The following CAMKMT variants were observed in gnomAD, a reference collection of about 807,000 sequenced individuals.
The protein encoded by CAMKMT is calmodulin-lysine N-methyltransferase.
A neutral mutation model predicts 48.0 loss-of-function variants in CAMKMT; 53 were observed. That is an observed-to-expected ratio of 1.10 (90% confidence interval 0.89 to 1.39). The LOEUF is 1.39. CAMKMT is among the 40% of genes most tolerant of loss of function. CAMKMT has a pLI of 0.00. For synonymous variants in CAMKMT, 165 were observed against 152.3 expected, an observed-to-expected ratio of 1.08 and a Z score of -0.61; for missense variants, 428 against 402.7, an observed-to-expected ratio of 1.06 and a Z score of -0.54.
chr2:44,706,962 T>G (rs1677599098), intron 5 of CAMKMT, among the ~76,000 whole-genome samples: 2 of 152,044 alleles, frequency 1.3e-5, no homozygotes, highest in South Asian at 4.2e-4. Context: ...TACAGCCCAA[T>G]GTGCGAGCAT....
chr2:44,500,874 G>T (rs1389522192), intron 3 of CAMKMT, among the ~76,000 whole-genome samples: 10 of 151,600 alleles, frequency 6.6e-5, no homozygotes, highest in African/African-American at 2.4e-4. Context: ...TAGAGATGGG[G>T]TTTCACCATG....
intron 10 of CAMKMT, among the ~76,000 whole-genome samples, chr2:44,769,339 C>G (rs1029264348): frequency 6.6e-6 from 1 of 152,194 alleles, no homozygotes; most frequent in African/African-American, 2.4e-5. Flanking sequence ...CCACACCATG[C>G]AGCCAGTGTG....
chr2:44,480,252 C>G (rs574660512), intron 3 of CAMKMT, among the ~76,000 whole-genome samples: 1 of 152,270 alleles, frequency 6.6e-6, no homozygotes, highest in Admixed American at 6.5e-5. Flanking sequence ...AGCAACTCAC[C>G]TTTTGCCACT....
In CAMKMT at chr2:44,754,125, A is replaced by T; in HGVS notation, c.762+7A>T. 1 of 1,610,438 alleles carries T rather than the reference A, an allele frequency of 6.2e-7. No homozygotes were observed. The highest frequency in any genetic ancestry group is 1.1e-5 in the South Asian group (1 of 91,012). On this transcript the variant is annotated splice_region_variant and intron_variant, in intron 9 of 10. Coordinates refer to ENST00000378494, the MANE Select transcript of CAMKMT (RefSeq NM_024766.5). ...GAGATTACTCCAGCCCAGGGTAAGT[A>T]TGTTTCTATTTTCTCCTGAACACTG...
intron 3 of CAMKMT, among the ~76,000 whole-genome samples, chr2:44,654,429 C>G (rs763435371): frequency 4.6e-5 from 7 of 152,002 alleles, no homozygotes; most frequent in Non-Finnish European, 8.8e-5. Context: ...TCCTAGAAGC[C>G]AAAGATTAAC....
At chr2:44,613,084 A>G (rs966506368) in intron 3 of CAMKMT, among the ~76,000 whole-genome samples, 3 of 152,340 alleles carry the variant, frequency 2.0e-5, no homozygotes, top group East Asian at 1.9e-4. Context: ...TGAGATTTCA[A>G]TGAGTCTTTT....
At chr2:44,744,337 C>T (rs565593160) in intron 8 of CAMKMT, among the ~76,000 whole-genome samples, 7 of 152,204 alleles carry the variant, frequency 4.6e-5, no homozygotes, top group Non-Finnish European at 7.4e-5. Flanking sequence ...AATTTACATT[C>T]GGTATTTTGC....
chr2:44,470,259 T>C (rs1417253667), intron 3 of CAMKMT, among the ~76,000 whole-genome samples: 1 of 152,194 alleles, frequency 6.6e-6, no homozygotes, highest in Non-Finnish European at 1.5e-5. Flanking sequence ...GTTTCCTGGG[T>C]TTTCTCCTCT....
intron 3 of CAMKMT, among the ~76,000 whole-genome samples, chr2:44,598,408 C>T: frequency 6.6e-6 from 1 of 151,770 alleles, no homozygotes; most frequent in Middle Eastern, 3.2e-3. Context: ...AAATGAAGTT[C>T]CAGTTTTCTC....
intron 3 of CAMKMT, among the ~76,000 whole-genome samples, chr2:44,395,295 G>A (rs1681728209): frequency 6.6e-6 from 1 of 151,996 alleles, no homozygotes; most frequent in Non-Finnish European, 1.5e-5. Flanking sequence ...GTTATATAAT[G>A]CATATATGTA....
intron 3 of CAMKMT, among the ~76,000 whole-genome samples, chr2:44,470,477 A>G (rs1167364531): frequency 7.9e-6 from 1 of 126,646 alleles, no homozygotes; most frequent in Non-Finnish European, 1.7e-5. Context: ...ATACCTTGGA[A>G]GGAGTTTACA....
intron 6 of CAMKMT, among the ~76,000 whole-genome samples, chr2:44,708,524 T>A (rs1397040280): frequency 6.6e-6 from 1 of 151,982 alleles, no homozygotes; most frequent in Non-Finnish European, 1.5e-5. Flanking sequence ...TTAAAAAAAA[T>A]TCAGGAAGGA....
intron 3 of CAMKMT, among the ~76,000 whole-genome samples, chr2:44,595,447 A>G (rs1407233850): frequency 6.6e-6 from 1 of 152,228 alleles, no homozygotes; most frequent in Admixed American, 6.5e-5. Flanking sequence ...ACAACTTATA[A>G]GGACCTCTTC....
At chr2:44,498,048 G>T (rs1009633026) in intron 3 of CAMKMT, among the ~76,000 whole-genome samples, 1 of 152,134 alleles carries the variant, frequency 6.6e-6, no homozygotes, top group Non-Finnish European at 1.5e-5. Flanking sequence ...TAGGATATAA[G>T]CATTTTGTAC....
chr2:44,483,037 A>G (rs1277124301), intron 3 of CAMKMT, among the ~76,000 whole-genome samples: 1 of 152,166 alleles, frequency 6.6e-6, no homozygotes, highest in Non-Finnish European at 1.5e-5. Flanking sequence ...AATGGAATCA[A>G]CAAGTACATA....
chr2:44,437,982 T>C (rs565316188), intron 3 of CAMKMT, among the ~76,000 whole-genome samples: 1 of 152,310 alleles, frequency 6.6e-6, no homozygotes, highest in East Asian at 1.9e-4. Context: ...ACTGGTTTTT[T>C]AATAAAGTAA....
intron 3 of CAMKMT, among the ~76,000 whole-genome samples, chr2:44,663,462 A>T (rs574406088): frequency 6.6e-6 from 1 of 152,354 alleles, no homozygotes; most frequent in East Asian, 1.9e-4. Flanking sequence ...CCCTTCTGTG[A>T]AATCTTGTTT....
chr2:44,457,449 A>C (rs1667622722), intron 3 of CAMKMT, among the ~76,000 whole-genome samples: 1 of 145,020 alleles, frequency 6.9e-6, no homozygotes, highest in African/African-American at 2.6e-5. Flanking sequence ...CCCAGGCTGG[A>C]GTGCAGTGGC....
chr2:44,416,632 G>A (rs889892257), intron 3 of CAMKMT, among the ~76,000 whole-genome samples: 4 of 137,232 alleles, frequency 2.9e-5, no homozygotes, highest in African/African-American at 1.1e-4. Context: ...GGAGTGCAAT[G>A]GTGTGATCTT....
Sources: gnomAD v4.1 joint callset for allele counts (sites outside exome capture counted in the v4.1 genomes callset) on GRCh38, gnomAD v4.1.1 for gene constraint, MANE v1.5 for transcripts, NCBI Gene and HGNC (gene_info 2026-07-23, HGNC 2026-07-21) for gene names.